PLD5: variants seen among roughly 807,000 people sequenced by gnomAD.
PLD5 encodes the protein phospholipase D family member 5, also known as inactive phospholipase D5.
In PLD5, 36 loss-of-function variants were observed where a neutral mutation model predicts 61.1. That is an observed-to-expected ratio of 0.59 (90% CI 0.45 to 0.78). The LOEUF is 0.78. PLD5 is among the 30% of genes least tolerant of loss of function. The probability of loss-of-function intolerance (pLI) is 0.00; values close to 1 mark genes in which losing one functional copy is unlikely to be tolerated. For synonymous variants in PLD5, 243 were observed against 242.8 expected (o/e 1.00, Z -0.01); for missense variants, 515 against 644.4 (o/e 0.80, Z 2.17).
chr1:242,181,092 T>A (rs1667488703), intron 5 of PLD5, among the ~76,000 whole-genome samples: 1 of 152,212 alleles, frequency 6.6e-6, no homozygotes, highest in Admixed American at 6.5e-5. Context: ...TGAGAACCAC[T>A]GTGCTAGAAG....
chr1:242,250,292 CAT>C (rs1237762062), intron 4 of PLD5, among the ~76,000 whole-genome samples: 21 of 152,094 alleles, frequency 1.4e-4, no homozygotes, highest in African/African-American at 4.8e-4. Context: ...TGCCTACACA[CAT>C]GTCAGTCAAG....
At chr1:242,160,783 G>C (rs1021343201) in intron 5 of PLD5, among the ~76,000 whole-genome samples, 1 of 152,026 alleles carries the variant, frequency 6.6e-6, no homozygotes, top group East Asian at 1.9e-4. Flanking sequence ...TACTCTGGAG[G>C]CTGAGGCAGG....
chr1:242,411,867 T>C (rs1017347309), intron 1 of PLD5, among the ~76,000 whole-genome samples: 11 of 151,896 alleles, frequency 7.2e-5, no homozygotes, highest in Admixed American at 5.9e-4. Flanking sequence ...AAAATGCAAG[T>C]CACAGATGCA....
chr1:242,142,717 TC>T (rs1664256816), intron 5 of PLD5, among the ~76,000 whole-genome samples: 1 of 85,038 alleles, frequency 1.2e-5, no homozygotes. Context: ...TGTGTCTTTC[TC>T]TCTCTCTCTC....
intron 2 of PLD5, among the ~76,000 whole-genome samples, chr1:242,331,327 T>G (rs1459182011): frequency 6.6e-6 from 1 of 152,134 alleles, no homozygotes; most frequent in African/African-American, 2.4e-5. Context: ...CTCCATTACA[T>G]CTTTAGGATT....
At chr1:242,243,359 A>G (rs2149067391) in intron 4 of PLD5, among the ~76,000 whole-genome samples, 3 of 152,356 alleles carry the variant, frequency 2.0e-5, no homozygotes, top group Middle Eastern at 6.8e-3. Flanking sequence ...TCTGAAGAAC[A>G]AATTAAATGA....
At chr1:242,485,339 T>C (rs1667922754) in intron 1 of PLD5, among the ~76,000 whole-genome samples, 1 of 152,228 alleles carries the variant, frequency 6.6e-6, no homozygotes, top group Non-Finnish European at 1.5e-5. Context: ...CAAAATCTCC[T>C]TAAGCTGATA....
At chr1:242,269,650 T>C (rs1340208434) in intron 3 of PLD5, among the ~76,000 whole-genome samples, 1 of 151,918 alleles carries the variant, frequency 6.6e-6, no homozygotes, top group Non-Finnish European at 1.5e-5. Context: ...GTTTATATAC[T>C]ATCTTTGGCT....
chr1:242,292,271 AC>A (rs1472088199), intron 2 of PLD5, among the ~76,000 whole-genome samples: 1 of 152,180 alleles, frequency 6.6e-6, no homozygotes, highest in Non-Finnish European at 1.5e-5. Flanking sequence ...CAATAAACAA[AC>A]AAAAACATCC....
At chr1:242,274,550 C>G (rs575644781) in intron 3 of PLD5, among the ~76,000 whole-genome samples, 2 of 152,070 alleles carry the variant, frequency 1.3e-5, no homozygotes, top group African/African-American at 2.4e-5. Flanking sequence ...GTCAGGAGAT[C>G]GAGACCATCC....
rs187374199 is a variant in PLD5, at chr1:242,302,023, C to T, written c.327-13493G>A. Reference sequence around the variant, plus strand: ...CTCAAACTCTTGACCTCAGGTGATCCGCCCACCTTGGTCTCCCAAAGTGCT... The same window carrying T: ...CTCAAACTCTTGACCTCAGGTGATCTGCCCACCTTGGTCTCCCAAAGTGCT... On this transcript the variant is annotated intron_variant, in intron 2 of 9. Coordinates refer to ENST00000536534, the MANE Select transcript of PLD5 (RefSeq NM_001372062.1). Among the ~76,000 whole-genome samples the T allele has an allele frequency of 3.2e-3, 480 of 152,268 alleles. 2 individuals carry two copies. Among genetic ancestry groups the T allele is most frequent in the African/African-American group, 0.011 (450 of 41,536 alleles).
intron 9 of PLD5, among the ~76,000 whole-genome samples, chr1:242,091,100 GTC>G (rs1351026108): frequency 1.3e-5 from 2 of 151,944 alleles, no homozygotes; most frequent in Non-Finnish European, 2.9e-5. Context: ...CTCTATGCAT[GTC>G]TCTGTCCAAA....
At chr1:242,106,193 A>AGG (rs1021206551) in intron 8 of PLD5, among the ~76,000 whole-genome samples, 2 of 152,114 alleles carry the variant, frequency 1.3e-5, no homozygotes, top group African/African-American at 4.8e-5. Flanking sequence ...GTACTCAGGG[A>AGG]GGGAGGTAAC....
At chr1:242,307,398 G>A (rs190372915) in intron 2 of PLD5, among the ~76,000 whole-genome samples, 10 of 152,194 alleles carry the variant, frequency 6.6e-5, no homozygotes, top group African/African-American at 2.2e-4. Context: ...GATAGTAATC[G>A]CTGCCACTTA....
intron 5 of PLD5, among the ~76,000 whole-genome samples, chr1:242,190,064 C>A (rs1668150648): frequency 6.7e-6 from 1 of 149,468 alleles, no homozygotes; most frequent in Non-Finnish European, 1.5e-5. Context: ...GCATCTCCTC[C>A]TTTACTTAGT....
chr1:242,182,106 T>C (rs182549297), intron 5 of PLD5, among the ~76,000 whole-genome samples: 43 of 152,326 alleles, frequency 2.8e-4, no homozygotes, highest in Non-Finnish European at 5.1e-4. Context: ...TTCTGATCCA[T>C]ATTTTAAAGG....
intron 1 of PLD5, among the ~76,000 whole-genome samples, chr1:242,462,095 T>C (rs571762026): frequency 6.6e-6 from 1 of 152,336 alleles, no homozygotes; most frequent in South Asian, 2.1e-4. Context: ...ACTTGTCCAT[T>C]TTTGTTTTTG....
chr1:242,241,482 T>G (rs1671999966), intron 4 of PLD5, among the ~76,000 whole-genome samples: 1 of 152,096 alleles, frequency 6.6e-6, no homozygotes, highest in East Asian at 1.9e-4. Context: ...TTTTCAAATC[T>G]CATTAAAGGG....
chr1:242,099,155 C>G (rs925410517), intron 9 of PLD5, among the ~76,000 whole-genome samples: 3 of 151,980 alleles, frequency 2.0e-5, no homozygotes, highest in Admixed American at 6.6e-5. Flanking sequence ...GGAGTCCCAC[C>G]TTGTCACCCT....
Sources: allele counts gnomAD v4.1 joint callset (sites outside exome capture counted in the v4.1 genomes callset), GRCh38; gene constraint gnomAD v4.1.1; transcripts MANE v1.5; gene names NCBI Gene and HGNC (gene_info 2026-07-23, HGNC 2026-07-21).